RNF125: variants seen among roughly 807,000 people sequenced by gnomAD.
The protein encoded by RNF125 is ring finger protein 125, also known as E3 ubiquitin-protein ligase RNF125.
In RNF125, 21 loss-of-function variants were observed where a neutral mutation model predicts 26.0. That is an observed-to-expected ratio of 0.81 (90% CI 0.57 to 1.16). The LOEUF is 1.16. Among genes scored for constraint, RNF125 ranks in the 50% most tolerant of loss-of-function variants. The pLI is 0.00. For missense variants in RNF125, 270 were observed against 299.4 expected (o/e 0.90, Z 0.72); for synonymous variants, 95 against 109.2 (o/e 0.87, Z 0.81).
intron 4 of RNF125, among the ~76,000 whole-genome samples, chr18:32,064,404 T>TTTC (rs1436498656): frequency 2.4e-5 from 3 of 123,828 alleles, no homozygotes; most frequent in African/African-American, 8.6e-5. Context: ...TTCTTTTTTT[T>TTTC]TTTTTTTTTT....
intron 4 of RNF125, among the ~76,000 whole-genome samples, chr18:32,055,088 T>C (rs1203418040): frequency 6.6e-6 from 1 of 151,608 alleles, no homozygotes; most frequent in East Asian, 1.9e-4. Context: ...TTTGACCCCA[T>C]GAGTTCAAGG....
rs1308180618 is a variant in RNF125 at position 32,072,781 on chromosome 18, G to A, written c.*4397G>A. The A allele has an allele frequency of 6.6e-6, 1 of 152,172 alleles. No individual in the cohort carries two copies. Among genetic ancestry groups the A allele is most frequent in the Non-Finnish European group, 1.5e-5 (1 of 68,022 alleles). 9.4% of individuals were successfully genotyped at this position (152,172 alleles called of 1,614,324 possible). ...TTCAGGGCCTTATTAGAGAAAAACT[G>A]ATTCACATGTTATTCTTCTAAAGCT... On this transcript the variant is annotated 3_prime_UTR_variant, in exon 6 of 6. Coordinates refer to ENST00000217740, the MANE Select transcript of RNF125 (RefSeq NM_017831.4).
the RNF125 span, among the ~76,000 whole-genome samples, chr18:32,085,972 TAGA>T: frequency 6.6e-6 from 1 of 152,124 alleles, no homozygotes; most frequent in African/African-American, 2.4e-5. Flanking sequence ...TGGCTCAAAC[TAGA>T]AGGTGTTTAA....
chr18:32,079,259 T>G, the RNF125 span, among the ~76,000 whole-genome samples: 2 of 152,276 alleles, frequency 1.3e-5, no homozygotes, highest in Admixed American at 1.3e-4. Context: ...CTCTGGAGTC[T>G]CTTATAAGGG....
chr18:32,051,150 T>C (rs1309447867), intron 4 of RNF125, among the ~76,000 whole-genome samples: 3 of 152,184 alleles, frequency 2.0e-5, no homozygotes, highest in Non-Finnish European at 4.4e-5. Context: ...CCCCTCTACT[T>C]TTCAGTATTT....
chr18:32,049,754 C>A (rs1598819460), intron 4 of RNF125, among the ~76,000 whole-genome samples: 1 of 152,106 alleles, frequency 6.6e-6, no homozygotes, highest in Admixed American at 6.5e-5. Flanking sequence ...GAACACAAGA[C>A]CTTCAGGTGT....
the RNF125 span, among the ~76,000 whole-genome samples, chr18:32,082,630 G>A: frequency 6.6e-6 from 1 of 152,238 alleles, no homozygotes; most frequent in Non-Finnish European, 1.5e-5. Context: ...GAAACTCTAT[G>A]TGTGTAGGCC....
chr18:32,026,442 T>G (rs2039037177), intron 1 of RNF125, among the ~76,000 whole-genome samples: 1 of 151,736 alleles, frequency 6.6e-6, no homozygotes, highest in Admixed American at 6.6e-5. Context: ...AGAGAAGAGG[T>G]TTCACCATGT....
intron 1 of RNF125, among the ~76,000 whole-genome samples, chr18:32,036,878 C>T (rs971762168): frequency 3.9e-5 from 6 of 152,044 alleles, no homozygotes; most frequent in African/African-American, 1.2e-4. Flanking sequence ...ACTTTGAATT[C>T]TTACTTTTCT....
chr18:32,052,515 G>A (rs913729554), intron 4 of RNF125, among the ~76,000 whole-genome samples: 1 of 150,504 alleles, frequency 6.6e-6, no homozygotes, highest in Non-Finnish European at 1.5e-5. Flanking sequence ...AAAAAATTAG[G>A]TATGCAGTCT....
chr18:32,070,674 G>A lies in RNF125; in HGVS notation c.*2290G>A, dbSNP rs1011650174. ...ATATGGCAATTGAAACAATTAAAAA[G>A]TTTTCATTTGCTTTTCTCATTCTTT... On this transcript the variant is annotated 3_prime_UTR_variant, in exon 6 of 6. Transcript: ENST00000217740. The A allele has an allele frequency of 1.3e-5, 2 of 151,448 alleles. No homozygotes were observed. Among genetic ancestry groups the A allele is most frequent in the African/African-American group, 4.8e-5 (2 of 41,268 alleles). The allele number at this position is 151,448 out of a possible 1,614,324, so 9.4% of individuals were successfully genotyped here. A position where few individuals can be genotyped will look rare whatever the true frequency, so the allele number is the denominator to read the frequency against.
rs192114392 is a variant in RNF125 at position 32,036,311 on chromosome 18, A to C, written c.165-805A>C. On this transcript the variant is annotated intron_variant, in intron 1 of 5. Transcript: ENST00000217740. Reference sequence around the variant, plus strand: ...CTTTCCAGTATGTACAGTATACTTAAAATTTAAAAAGCCTACCTTTGGACA... The same window carrying C: ...CTTTCCAGTATGTACAGTATACTTACAATTTAAAAAGCCTACCTTTGGACA... Among the ~76,000 whole-genome samples, 13 of 152,004 alleles carry C rather than the reference A, an allele frequency of 8.6e-5. No individual in the cohort carries two copies. The East Asian group carries it at 2.5e-3, about 29-fold the overall frequency.
At position 32,042,249 on chromosome 18, in the gene RNF125, A is replaced by G. The variant is rs376221651; in HGVS notation, c.389A>G (p.Gln130Arg). 92 of 1,612,910 alleles carry G rather than the reference A, an allele frequency of 5.7e-5. No homozygotes were observed. The highest frequency in any genetic ancestry group is 7.0e-5 in the Non-Finnish European group (83 of 1,179,240). Reference protein sequence around the residue: ...QKYIDKYGPLQELEETAARCV... With the variant: ...QKYIDKYGPLRELEETAARCV... ...TACATAGATAAGTATGGACCACTACAAGAACTTGAGGAGACAGCAGCAAGG... is the reference window on the plus strand; with the variant it reads ...TACATAGATAAGTATGGACCACTACGAGAACTTGAGGAGACAGCAGCAAGG... The change falls in exon 3 of 6, where the codon CAA (glutamine) becomes CGA (arginine). Residue 130 changes from glutamine to arginine, a missense_variant. By Grantham distance (43) the Gln-to-Arg change is conservative (BLOSUM62 1). Coordinates refer to ENST00000217740, the MANE Select transcript of RNF125 (RefSeq NM_017831.4).
intron 4 of RNF125, among the ~76,000 whole-genome samples, chr18:32,061,111 G>A (rs1023721252): frequency 1.3e-5 from 2 of 151,828 alleles, no homozygotes; most frequent in Non-Finnish European, 2.9e-5. Flanking sequence ...TGCAAGCTCC[G>A]CCTCCTGGGT....
chr18:32,065,184 AG>A (rs1205796139), intron 4 of RNF125, among the ~76,000 whole-genome samples: 1 of 152,144 alleles, frequency 6.6e-6, no homozygotes, highest in African/African-American at 2.4e-5. Flanking sequence ...TAAAGTTGAC[AG>A]TTTATTTTTG....
chr18:32,085,876 A>C, the RNF125 span, among the ~76,000 whole-genome samples: 1 of 152,078 alleles, frequency 6.6e-6, no homozygotes. Context: ...CAGAACAACA[A>C]GGGCAGAACA....
the RNF125 span, among the ~76,000 whole-genome samples, chr18:32,079,508 A>G: frequency 6.6e-6 from 1 of 152,346 alleles, no homozygotes; most frequent in South Asian, 2.1e-4. Flanking sequence ...TAAAGCCTAC[A>G]TGGGGAGCAA....
chr18:32,052,195 A>G (rs925030679), intron 4 of RNF125, among the ~76,000 whole-genome samples: 1 of 151,776 alleles, frequency 6.6e-6, no homozygotes, highest in East Asian at 2.0e-4. Context: ...AAAAATCTCC[A>G]ATAGATTTGC....
At position 32,073,022 on chromosome 18, in the gene RNF125, T is replaced by C. The variant is rs1598831291; in HGVS notation, c.*4638T>C. On this transcript the variant is annotated 3_prime_UTR_variant, in exon 6 of 6. Coordinates refer to ENST00000217740, the MANE Select transcript of RNF125 (RefSeq NM_017831.4). ...TTTATCATATCATAATTTGCATTTT[T>C]CCAACATTGAAGGTATTTTAAAAAG... 7.7e-6 allele frequency: 1 copy of C among 129,634 alleles called. No homozygotes were observed. Among genetic ancestry groups the C allele is most frequent in the African/African-American group, 3.2e-5 (1 of 31,692 alleles). The allele number at this position is 129,634 out of a possible 1,614,324, so 8.0% of individuals were successfully genotyped here.
Sources: allele counts gnomAD v4.1 joint callset (sites outside exome capture counted in the v4.1 genomes callset), GRCh38; gene constraint gnomAD v4.1.1; transcripts MANE v1.5; gene names NCBI Gene and HGNC (gene_info 2026-07-23, HGNC 2026-07-21).